Variants in SULF1 observed in about 807,000 individuals in gnomAD.
SULF1 encodes the protein extracellular sulfatase Sulf-1.
In SULF1, 46 loss-of-function variants were observed where a neutral mutation model predicts 110.5. That is an observed-to-expected ratio of 0.42 (90% CI 0.33 to 0.53). The LOEUF is 0.53. Ranked by LOEUF, SULF1 falls within the 20% of genes least tolerant of loss-of-function variation. SULF1 has a pLI of 0.12. For missense variants in SULF1, 941 were observed against 1,094.2 expected, an observed-to-expected ratio of 0.86 and a Z score of 1.98; for synonymous variants, 371 against 387.1, an observed-to-expected ratio of 0.96 and a Z score of 0.49.
chr8:69,489,571 CTTTT>C (rs61391745), upstream of SULF1, among the ~76,000 whole-genome samples: 1 of 91,960 alleles, frequency 1.1e-5, no homozygotes, highest in Non-Finnish European at 2.0e-5. Flanking sequence ...CTTTCTTTCT[CTTTT>C]TTTTTTTTTT....
chr8:69,549,485 G>A (rs2150688819), intron 3 of SULF1, among the ~76,000 whole-genome samples: 1 of 148,404 alleles, frequency 6.7e-6, no homozygotes, highest in African/African-American at 2.5e-5. Flanking sequence ...CAAATGCAGT[G>A]TGTTAACTAG....
intron 3 of SULF1, among the ~76,000 whole-genome samples, chr8:69,522,455 A>C (rs2150616881): frequency 1.3e-5 from 2 of 152,204 alleles, no homozygotes; most frequent in Middle Eastern, 6.8e-3. Flanking sequence ...TAAAGAGTTC[A>C]GTTTCGGAAG....
intron 3 of SULF1, among the ~76,000 whole-genome samples, chr8:69,546,493 A>G (rs1382013910): frequency 6.6e-6 from 1 of 152,216 alleles, no homozygotes; most frequent in African/African-American, 2.4e-5. Context: ...GTCCACAGGA[A>G]AGATGCTAAA....
At chr8:69,570,992 C>A (rs1259079534) in intron 5 of SULF1, among the ~76,000 whole-genome samples, 1 of 152,238 alleles carries the variant, frequency 6.6e-6, no homozygotes, top group Middle Eastern at 3.2e-3. Context: ...GCATTTGTGT[C>A]TGGCTCCCAC....
intron 1 of SULF1, among the ~76,000 whole-genome samples, chr8:69,470,459 G>A (rs1356378593): frequency 6.6e-6 from 1 of 151,940 alleles, no homozygotes; most frequent in Non-Finnish European, 1.5e-5. Flanking sequence ...TGGGGAATTC[G>A]CCAGTTAGCC....
At chr8:69,652,423 C>T (rs1008376609) in intron 22 of SULF1, among the ~76,000 whole-genome samples, 2 of 152,210 alleles carry the variant, frequency 1.3e-5, no homozygotes, top group Non-Finnish European at 1.5e-5. Flanking sequence ...GAGTTATCTG[C>T]TCTAGAACAG....
intron 19 of SULF1, among the ~76,000 whole-genome samples, chr8:69,631,030 A>T (rs939265270): frequency 1.3e-5 from 2 of 151,358 alleles, no homozygotes; most frequent in Non-Finnish European, 2.9e-5. Flanking sequence ...AACATTTTTA[A>T]ATGGGACTCT....
At position 69,480,047 on chromosome 8, in the gene SULF1, G is replaced by T. The variant is rs559459461; in HGVS notation, c.-391+13097G>T. ...CAGATGTACTCCTTATGGAAAATCT[G>T]TTCTAATTGAGATCACCAAGCACCG... On this transcript the variant is annotated intron_variant, in intron 1 of 22. Transcript: ENST00000260128. Among the ~76,000 whole-genome samples, 29 of 151,830 alleles carry T rather than the reference G, an allele frequency of 1.9e-4. 1 individual carries two copies. In the South Asian group the frequency reaches 4.4e-3, roughly 23 times the overall value.
chr8:69,529,802 G>A (rs1327192228), intron 3 of SULF1, among the ~76,000 whole-genome samples: 1 of 152,208 alleles, frequency 6.6e-6, no homozygotes, highest in African/African-American at 2.4e-5. Flanking sequence ...GAGAGCAGGT[G>A]ATCTGAGAGA....
chr8:69,593,240 T>C lies in SULF1; in HGVS notation c.734+4099T>C, dbSNP rs1049916035. Among the ~76,000 whole-genome samples the C allele has an allele frequency of 1.1e-4, 17 of 152,308 alleles. 2 individuals are homozygous for C. Among genetic ancestry groups the C allele is most frequent in the Admixed American group, 9.8e-4 (15 of 15,308 alleles). ...CAGTCTTCAGACAAAAGGAGTGAGA[T>C]AAATTGAAGACAAGCTGCCGATGGT... is the stretch of plus-strand genomic sequence containing the variant. On this transcript the variant is annotated intron_variant, in intron 8 of 22. Transcript: ENST00000402687.
At chr8:69,542,751 A>G (rs1813947627) in intron 3 of SULF1, among the ~76,000 whole-genome samples, 1 of 152,222 alleles carries the variant, frequency 6.6e-6, no homozygotes, top group Non-Finnish European at 1.5e-5. Flanking sequence ...AGGGAAAGAA[A>G]TGAGCAGAAT....
chr8:69,598,630 G>A (rs1807540492), intron 8 of SULF1, among the ~76,000 whole-genome samples: 1 of 152,184 alleles, frequency 6.6e-6, no homozygotes, highest in Non-Finnish European at 1.5e-5. Flanking sequence ...GACCTCAGGT[G>A]ATTCACCCGC....
chr8:69,481,628 A>G (rs1809525134), intron 1 of SULF1, among the ~76,000 whole-genome samples: 1 of 152,090 alleles, frequency 6.6e-6, no homozygotes, highest in Non-Finnish European at 1.5e-5. Flanking sequence ...CACTCACCCT[A>G]TGACAGGCCC....
At chr8:69,602,960 A>G (rs1219165025) in intron 10 of SULF1, among the ~76,000 whole-genome samples, 1 of 152,202 alleles carries the variant, frequency 6.6e-6, no homozygotes, top group Non-Finnish European at 1.5e-5. Context: ...GTCAGAATAC[A>G]GGGGTGCAGG....
At chr8:69,541,019 T>G (rs570116570) in intron 3 of SULF1, among the ~76,000 whole-genome samples, 14 of 152,160 alleles carry the variant, frequency 9.2e-5, no homozygotes, top group African/African-American at 3.4e-4. Flanking sequence ...ATGGCACAGC[T>G]GAAAGATTCC....
intron 19 of SULF1, among the ~76,000 whole-genome samples, chr8:69,633,031 AAAAG>A (rs1425428605): frequency 3.2e-4 from 48 of 152,172 alleles, no homozygotes; most frequent in African/African-American, 1.1e-3. Context: ...AGAAAAAAAA[AAAAG>A]AAAAGAAAGA....
At chr8:69,494,469 T>C (rs1042160208) in intron 1 of SULF1, among the ~76,000 whole-genome samples, 1 of 152,234 alleles carries the variant, frequency 6.6e-6, no homozygotes, top group African/African-American at 2.4e-5. Flanking sequence ...TCTCTTTAAA[T>C]GATATTTTCC....
chr8:69,594,644 A>G (rs993662432), intron 8 of SULF1, among the ~76,000 whole-genome samples: 5 of 152,178 alleles, frequency 3.3e-5, no homozygotes, highest in Non-Finnish European at 7.3e-5. Context: ...GAATTTGCAC[A>G]TTCGTACCTC....
At chr8:69,638,983 T>C in intron 21 of SULF1, 125 bp downstream of exon 21, 2 of 951,754 alleles carry the variant, frequency 2.1e-6, no homozygotes, top group Non-Finnish European at 3.1e-6. Flanking sequence ...GGAGACACTT[T>C]CCAGGCAATT....
Sources: allele counts gnomAD v4.1 joint callset (sites outside exome capture counted in the v4.1 genomes callset), GRCh38; gene constraint gnomAD v4.1.1; transcripts MANE v1.5; gene names NCBI Gene and HGNC (gene_info 2026-07-23, HGNC 2026-07-21).